RBM28: variants seen among roughly 807,000 people sequenced by gnomAD.
RBM28 encodes the protein RNA binding motif protein 28, also known as RNA-binding protein 28.
A neutral mutation model predicts 98.3 loss-of-function variants in RBM28; 78 were observed. That is an observed-to-expected ratio of 0.79 (90% CI 0.66 to 0.96). RBM28 has a LOEUF of 0.96. Ranked by LOEUF, RBM28 falls within the 40% of genes least tolerant of loss-of-function variation. The pLI is 0.00. For synonymous variants in RBM28, 306 were observed against 330.9 expected, an observed-to-expected ratio of 0.92 and a Z score of 0.82; for missense variants, 838 against 913.0, an observed-to-expected ratio of 0.92 and a Z score of 1.06.
In RBM28 at chr7:128,310,402, A is replaced by C; in HGVS notation, c.*395T>G. 1 of 283,370 alleles carries C rather than the reference A, an allele frequency of 3.5e-6. No homozygotes were observed. Among genetic ancestry groups the C allele is most frequent in the Non-Finnish European group, 6.8e-6 (1 of 147,020 alleles). 17.6% of individuals were successfully genotyped at this position (283,370 alleles called of 1,614,324 possible). On this transcript the variant is annotated 3_prime_UTR_variant, in exon 19 of 19. Coordinates refer to ENST00000223073, the MANE Select transcript of RBM28 (RefSeq NM_018077.3). ...CACACATATTAGAAATGACGTTGTT[A>C]CTAAAAAGCCACACAATATCTCATT...
intron 10 of RBM28, among the ~76,000 whole-genome samples, chr7:128,330,191 C>A (rs576181567): frequency 2.0e-4 from 31 of 151,976 alleles, no homozygotes; most frequent in South Asian, 1.0e-3. Context: ...TAATTTCAAG[C>A]AATGTGGAAT....
chr7:128,314,708 A>T, intron 17 of RBM28, 56 bp downstream of exon 17: 1 of 1,613,062 alleles, frequency 6.2e-7, no homozygotes, highest in Middle Eastern at 1.8e-4. Context: ...CTCAGCAAAA[A>T]CAAACCCGCT....
At chr7:128,337,085 C>G (rs1338632683) in intron 6 of RBM28, 46 bp downstream of exon 6, 1 of 1,585,106 alleles carries the variant, frequency 6.3e-7, no homozygotes, top group African/African-American at 1.3e-5. Context: ...ATACTCTCAC[C>G]CAGGTTATAC....
intron 10 of RBM28, among the ~76,000 whole-genome samples, chr7:128,327,596 G>A (rs938515681): frequency 6.6e-6 from 1 of 152,046 alleles, no homozygotes; most frequent in Non-Finnish European, 1.5e-5. Context: ...CGCCTCCTGG[G>A]TTCAAGTGAC....
chr7:128,336,283 T>C lies in RBM28; in HGVS notation c.614-241A>G, dbSNP rs141941424. Among the ~76,000 whole-genome samples, 578 of 152,336 alleles carry C rather than the reference T, an allele frequency of 3.8e-3. 4 individuals carry two copies. The highest frequency in any genetic ancestry group is 0.013 in the African/African-American group (544 of 41,572). On this transcript the variant is annotated intron_variant, in intron 6 of 18. Coordinates refer to ENST00000223073, the MANE Select transcript of RBM28 (RefSeq NM_018077.3). ...TCCCATTCATCAGTCTGAAGGTTCA[T>C]CTGGCCCAGACTGAAAGAAGTGGCA...
chr7:128,338,574 A>G (rs1796653900), intron 4 of RBM28, 152 bp downstream of exon 4: 2 of 766,594 alleles, frequency 2.6e-6, no homozygotes, highest in South Asian at 3.1e-5. Context: ...ATTCTGATCC[A>G]ACAGAAAATA....
intron 1 of RBM28, chr7:128,341,091 A>T (rs1254660192): frequency 1.7e-6 from 2 of 1,194,312 alleles, no homozygotes; most frequent in Admixed American, 5.3e-5. Flanking sequence ...AAAAAGGAAA[A>T]GGACAGATCA....
In RBM28 at chr7:128,337,162, T is replaced by C; in HGVS notation, c.582A>G (p.Lys194=). 1 of 1,614,182 alleles carries C rather than the reference T, an allele frequency of 6.2e-7. No individual in the cohort carries two copies. Among genetic ancestry groups the C allele is most frequent in the South Asian group, 1.1e-5 (1 of 91,082 alleles). ...CAGAAACAGACTGTGTATCTTTATA[T>C]TTATCCTTTGCCACGGCCCAATCCA... is the stretch of plus-strand genomic sequence containing the variant. ...VAVDWAVAKD[K]YKDTQSVSAI... Residue 194 remains lysine, a synonymous_variant, in exon 6 of 19, where the codon AAA becomes AAG. Coordinates refer to ENST00000223073, the MANE Select transcript of RBM28 (RefSeq NM_018077.3).
intron 2 of RBM28, 85 bp downstream of exon 2, chr7:128,339,548 G>A: frequency 6.0e-6 from 9 of 1,491,954 alleles, no homozygotes; most frequent in South Asian, 2.3e-5. Flanking sequence ...AGTTCTAGAA[G>A]CTACCTCCAT....
At chr7:128,330,720 A>G in intron 10 of RBM28, 99 bp downstream of exon 10, 1 of 884,106 alleles carries the variant, frequency 1.1e-6, no homozygotes, top group South Asian at 1.3e-5. Context: ...ATGGACTGTG[A>G]ACCCCTCAAA....
chr7:128,313,696 C>T (rs1331834829), intron 17 of RBM28, among the ~76,000 whole-genome samples: 1 of 152,160 alleles, frequency 6.6e-6, no homozygotes, highest in Non-Finnish European at 1.5e-5. Context: ...GAAGGCTGGG[C>T]CTGGTGGGAG....
intron 9 of RBM28, among the ~76,000 whole-genome samples, chr7:128,332,878 A>G (rs1796511602): frequency 6.6e-6 from 1 of 152,214 alleles, no homozygotes; most frequent in African/African-American, 2.4e-5. Flanking sequence ...GTTTTCCTGG[A>G]AACAGATGAG....
In RBM28 at chr7:128,343,402, ACT is replaced by A. The variant is rs1232533465; in HGVS notation, c.118+272_118+273del. On this transcript the variant is annotated intron_variant, in intron 1 of 18. Coordinates refer to ENST00000223073, the MANE Select transcript of RBM28 (RefSeq NM_018077.3). ...GATCACTGTACCTGCCAATCAGGTG[ACT>A]CTCAATAAGTCTTACTGATGCTCTA... Among the ~76,000 whole-genome samples, 57 of 152,312 alleles carry A rather than the reference ACT, an allele frequency of 3.7e-4. 1 individual carries two copies. The highest frequency in any genetic ancestry group is 2.1e-3 in the Admixed American group (32 of 15,306).
chr7:128,309,775 C>G lies in RBM28; in HGVS notation c.*1022G>C, dbSNP rs1003356091. On this transcript the variant is annotated 3_prime_UTR_variant, in exon 19 of 19. Transcript: ENST00000223073. ...CGACAACTAGTGGAGATCTGAGTGA[C>G]AAGTAAAAGATGCAAGGGAAAAACT... is the stretch of plus-strand genomic sequence containing the variant. 6.6e-6 allele frequency: 1 copy of G among 151,584 alleles called. No individual in the cohort carries two copies. The highest frequency in any genetic ancestry group is 6.6e-5 in the Admixed American group (1 of 15,202). 9.4% of individuals were successfully genotyped at this position (151,584 alleles called of 1,614,324 possible). A position where few individuals can be genotyped will look rare whatever the true frequency, so the allele number is the denominator to read the frequency against.
intron 16 of RBM28, among the ~76,000 whole-genome samples, chr7:128,316,966 C>T (rs1296037312): frequency 6.6e-6 from 1 of 152,170 alleles, no homozygotes; most frequent in Non-Finnish European, 1.5e-5. Flanking sequence ...TCAATGAGAG[C>T]TCTAAGAATG....
In RBM28 at chr7:128,330,807, GACA is replaced by G; in HGVS notation, c.1129+9_1129+11del. Reference sequence around the variant, plus strand: ...CAACCCTTTTAGGGCCTGGCCAGCTGACAACACATACCTTTAGAATGCTCTGTG... The same window carrying G: ...CAACCCTTTTAGGGCCTGGCCAGCTGACACATACCTTTAGAATGCTCTGTG... On this transcript the variant is annotated intron_variant, in intron 10 of 18. Transcript: ENST00000223073. The G allele has an allele frequency of 6.3e-7, 1 of 1,599,652 alleles. No individual in the cohort carries two copies. Among genetic ancestry groups the G allele is most frequent in the South Asian group, 1.1e-5 (1 of 90,826 alleles).
intron 10 of RBM28, 81 bp from the exon 11 acceptor site, chr7:128,325,972 GAC>G (rs1006294810): frequency 3.6e-6 from 4 of 1,103,100 alleles, no homozygotes; most frequent in Non-Finnish European, 5.6e-6. Context: ...GCAACAGCCT[GAC>G]ACAGAGTGGA....
chr7:128,338,914 AT>A, intron 3 of RBM28, 113 bp from the exon 4 acceptor site: 1 of 848,744 alleles, frequency 1.2e-6, no homozygotes, highest in Non-Finnish European at 1.9e-6. Context: ...ACTTTTTTTT[AT>A]TTTTGATACT....
Position 128,335,595 on chromosome 7 carries a change from A to G in RBM28, c.894T>C (p.Asp298=), listed in dbSNP as rs146853027. Residue 298 remains aspartate (D), a synonymous_variant, in exon 8 of 19, where the codon GAT becomes GAC. Transcript: ENST00000223073. ...TATCACTCTGAGCCAGTTCCTCTCC[A>G]TCATCAATACTATCGCTTTCCTCTA... ...SDLEESDSID[D]GEELAQSDTS... The G allele has an allele frequency of 3.2e-5, 51 of 1,614,150 alleles. No homozygotes were observed. The African/African-American group carries it at 4.4e-4, about 14-fold the overall frequency.
Sources: gnomAD v4.1 joint callset for allele counts (sites outside exome capture counted in the v4.1 genomes callset) on GRCh38, gnomAD v4.1.1 for gene constraint, MANE v1.5 for transcripts, NCBI Gene and HGNC (gene_info 2026-07-23, HGNC 2026-07-21) for gene names.